The following MYRFL variants were observed in gnomAD, a reference collection of about 807,000 sequenced individuals.
MYRFL encodes myelin regulatory factor-like protein.
A neutral mutation model predicts 109.4 loss-of-function variants in MYRFL; 88 were observed. The observed-to-expected ratio is 0.80, with a 90% CI of 0.68 to 0.96. The LOEUF is 0.96. MYRFL is among the 40% of genes least tolerant of loss of function. The pLI is 0.00. For synonymous variants in MYRFL, 324 were observed against 320.9 expected (o/e 1.01, Z -0.10); for missense variants, 957 against 954.9 (o/e 1.00, Z -0.03).
At chr12:69,857,915 A>G (rs945015326) in intron 2 of MYRFL, among the ~76,000 whole-genome samples, 32 of 151,972 alleles carry the variant, frequency 2.1e-4, no homozygotes, top group African/African-American at 7.7e-4. Flanking sequence ...AGAAATAGTG[A>G]GACTAGACAT....
At chr12:69,953,159 T>C (rs1159282338) in intron 21 of MYRFL, among the ~76,000 whole-genome samples, 1 of 152,220 alleles carries the variant, frequency 6.6e-6, no homozygotes, top group African/African-American at 2.4e-5. Context: ...GCTCTGTTGC[T>C]GACTCTCTGA....
rs540008044 is a variant in MYRFL at position 69,958,521 on chromosome 12, G to A, written c.2723G>A (p.Arg908His). The change falls in exon 25 of 25, where the codon CGC becomes CAC. Residue 908 changes from arginine to histidine, a missense_variant. Physicochemically the swap from Arg to His is conservative, Grantham distance 29 (BLOSUM62 0). Coordinates refer to ENST00000552032, the MANE Select transcript of MYRFL (RefSeq NM_182530.3). ...FTDYFFYFYR[R>H]CA ...GATTACTTCTTTTACTTCTATCGACGCTGTGCCTAATTTGTTCAAGTTTGG... is the reference window on the plus strand; with the variant it reads ...GATTACTTCTTTTACTTCTATCGACACTGTGCCTAATTTGTTCAAGTTTGG... The A allele has an allele frequency of 9.1e-6, 14 of 1,533,650 alleles. No homozygotes were observed. The East Asian group carries it at 9.8e-5, about 11-fold the overall frequency.
intron 1 of MYRFL, among the ~76,000 whole-genome samples, chr12:69,843,852 A>G (rs1422640272): frequency 6.6e-6 from 1 of 152,222 alleles, no homozygotes. Context: ...CAGGAGGCCT[A>G]CGCAGCTTCT....
At chr12:69,932,868 T>TGTGTGC (rs1416267180) in intron 16 of MYRFL, among the ~76,000 whole-genome samples, 10 of 150,792 alleles carry the variant, frequency 6.6e-5, no homozygotes, top group African/African-American at 2.2e-4. Flanking sequence ...CTTTCGTGTG[T>TGTGTGC]GTGTGTGTGT....
intron 2 of MYRFL, among the ~76,000 whole-genome samples, chr12:69,867,203 C>T (rs1885065896): frequency 4.6e-5 from 7 of 152,156 alleles, no homozygotes; most frequent in Admixed American, 3.9e-4. Context: ...CCACTTGGTA[C>T]ACAGTTGAGC....
intron 1 of MYRFL, 70 bp downstream of exon 1, chr12:69,825,633 C>A: frequency 1.5e-6 from 1 of 682,232 alleles, no homozygotes; most frequent in Non-Finnish European, 2.6e-6. Flanking sequence ...TTCACCTTTT[C>A]CGTATTCACT....
At chr12:69,932,887 G>A (rs1293987927) in intron 16 of MYRFL, among the ~76,000 whole-genome samples, 2 of 151,626 alleles carry the variant, frequency 1.3e-5, no homozygotes, top group African/African-American at 2.4e-5. Context: ...GTGTGTTTGT[G>A]TGTGTGTGTG....
chr12:69,856,641 T>A (rs544639205), intron 2 of MYRFL, among the ~76,000 whole-genome samples: 1 of 152,206 alleles, frequency 6.6e-6, no homozygotes, highest in East Asian at 1.9e-4. Flanking sequence ...TGCATTTTTC[T>A]AATAACTAAT....
rs573992904 is a variant in MYRFL, at chr12:69,932,431, C to G, written c.1831-82C>G. ...TATCCCAAGAGAGCAGCAAATACCCCTGCTGGGAGCAGTTCTCCAGGCTCC... is the reference window on the plus strand; with the variant it reads ...TATCCCAAGAGAGCAGCAAATACCCGTGCTGGGAGCAGTTCTCCAGGCTCC... On this transcript the variant is annotated intron_variant, in intron 15 of 24. Coordinates refer to ENST00000552032, the MANE Select transcript of MYRFL (RefSeq NM_182530.3). The G allele has an allele frequency of 1.3e-4, 120 of 898,514 alleles. No homozygotes were observed. The African/African-American group carries it at 1.7e-3, about 13-fold the overall frequency. The allele number at this position is 898,514 out of a possible 1,614,324, so 55.7% of individuals were successfully genotyped here.
chr12:69,917,094 A>G (rs1410629706), intron 13 of MYRFL, among the ~76,000 whole-genome samples: 1 of 152,054 alleles, frequency 6.6e-6, no homozygotes, highest in East Asian at 1.9e-4. Context: ...TCTCAGCCCT[A>G]AAGACTCTTC....
chr12:69,951,423 CTT>C (rs11310328), intron 19 of MYRFL, among the ~76,000 whole-genome samples: 11,149 of 89,316 alleles, frequency 0.12, 502 homozygotes, highest in Non-Finnish European at 0.17. Flanking sequence ...TCCTAACCTG[CTT>C]TTTTTTTTTT....
chr12:69,897,325 G>A, intron 10 of MYRFL, 79 bp downstream of exon 10: 1 of 924,512 alleles, frequency 1.1e-6, no homozygotes, highest in Non-Finnish European at 1.7e-6. Context: ...TCAATGGTGT[G>A]CTTGAATATG....
intron 13 of MYRFL, among the ~76,000 whole-genome samples, chr12:69,920,903 C>CCTAA (rs1255251942): frequency 2.0e-5 from 3 of 152,254 alleles, no homozygotes. Context: ...CCATATGTAC[C>CCTAA]CTAACTCCAT....
chr12:69,900,343 C>A (rs1475168027), intron 10 of MYRFL, among the ~76,000 whole-genome samples: 1 of 152,162 alleles, frequency 6.6e-6, no homozygotes, highest in Non-Finnish European at 1.5e-5. Context: ...GGAGTAATGC[C>A]TGTTTTGGAC....
intron 2 of MYRFL, among the ~76,000 whole-genome samples, chr12:69,874,036 C>A (rs1484462938): frequency 6.6e-6 from 1 of 152,256 alleles, no homozygotes; most frequent in Non-Finnish European, 1.5e-5. Context: ...AAATGTAGAA[C>A]CATCAACAAT....
intron 1 of MYRFL, among the ~76,000 whole-genome samples, chr12:69,850,940 C>T (rs1883841713): frequency 6.6e-6 from 1 of 151,946 alleles, no homozygotes; most frequent in Non-Finnish European, 1.5e-5. Flanking sequence ...CTATCTGTTG[C>T]CTTTATATTG....
chr12:69,858,623 A>G (rs1033018282), intron 2 of MYRFL, among the ~76,000 whole-genome samples: 1 of 152,000 alleles, frequency 6.6e-6, no homozygotes, highest in Non-Finnish European at 1.5e-5. Context: ...TGTTAAATTT[A>G]TGGCCATAGA....
chr12:69,831,219 A>C (rs1300079312), intron 1 of MYRFL, among the ~76,000 whole-genome samples: 1 of 152,150 alleles, frequency 6.6e-6, no homozygotes, highest in African/African-American at 2.4e-5. Context: ...CCACAGGCCA[A>C]ATCTGGCCTG....
intron 2 of MYRFL, among the ~76,000 whole-genome samples, chr12:69,872,066 C>CA (rs757387994): frequency 0.076 from 11,594 of 152,190 alleles, 623 homozygotes; most frequent in Non-Finnish European, 0.11. Context: ...TTTTGAAACT[C>CA]TGTTATTAAG....
Sources: gnomAD v4.1 joint callset for allele counts (sites outside exome capture counted in the v4.1 genomes callset) on GRCh38, gnomAD v4.1.1 for gene constraint, MANE v1.5 for transcripts, NCBI Gene and HGNC (gene_info 2026-07-23, HGNC 2026-07-21) for gene names.